Variants in SCFD2 observed in about 807,000 individuals in gnomAD.
SCFD2 encodes sec1 family domain containing 2, also known as sec1 family domain-containing protein 2.
Under a neutral mutation model 58.9 loss-of-function variants are expected in SCFD2, and 54 were observed. The observed-to-expected ratio is 0.92, with a 90% confidence interval of 0.74 to 1.15. The LOEUF (loss-of-function observed/expected upper bound fraction) is 1.15, where lower values mean the gene tolerates loss of function less well. SCFD2 is among the 50% of genes most tolerant of loss of function. The probability of loss-of-function intolerance (pLI) is 0.00; values close to 1 mark genes in which losing one functional copy is unlikely to be tolerated. For synonymous variants in SCFD2, 321 were observed against 335.9 expected (o/e 0.96, Z 0.49); for missense variants, 805 against 836.6 (o/e 0.96, Z 0.47).
At chr4:53,228,614 C>T (rs567354965) in intron 4 of SCFD2, among the ~76,000 whole-genome samples, 17 of 152,170 alleles carry the variant, frequency 1.1e-4, no homozygotes, top group Admixed American at 9.2e-4. Context: ...ATTAATGGGA[C>T]GTATCTCAAA....
At chr4:53,063,662 T>C (rs1323172495) in intron 5 of SCFD2, among the ~76,000 whole-genome samples, 2 of 152,108 alleles carry the variant, frequency 1.3e-5, no homozygotes, top group Non-Finnish European at 2.9e-5. Flanking sequence ...TGCTTACCTC[T>C]ACTAAATGAG....
rs568604689 is a variant in SCFD2 at position 53,153,323 on chromosome 4, C to G, written c.1312-7741G>C. Among the ~76,000 whole-genome samples the G allele has an allele frequency of 3.3e-5, 5 of 152,366 alleles. No homozygotes were observed. In the South Asian group the frequency reaches 1.0e-3, roughly 32 times the overall value. On this transcript the variant is annotated intron_variant, in intron 4 of 8. Coordinates refer to ENST00000401642, the MANE Select transcript of SCFD2 (RefSeq NM_152540.4). The stretch of plus-strand genomic sequence containing the variant: ...AGCTGCCAAGCCTGCTTCACTCATG[C>G]ACTCTGCGTGCCTACAGTCTTAAAA...
chr4:53,174,261 T>C (rs1285907930), intron 4 of SCFD2, among the ~76,000 whole-genome samples: 1 of 151,902 alleles, frequency 6.6e-6, no homozygotes, highest in African/African-American at 2.4e-5. Context: ...GGAGACATAA[T>C]ACTAAATGAA....
chr4:53,319,999 C>T (rs1028735680), intron 2 of SCFD2, among the ~76,000 whole-genome samples: 1 of 152,164 alleles, frequency 6.6e-6, no homozygotes, highest in Non-Finnish European at 1.5e-5. Context: ...TGCTTTATAT[C>T]CCCTTACAGT....
intron 4 of SCFD2, among the ~76,000 whole-genome samples, chr4:53,178,466 C>T (rs1727421768): frequency 6.6e-6 from 1 of 152,174 alleles, no homozygotes; most frequent in South Asian, 2.1e-4. Flanking sequence ...AACTAACAAA[C>T]AGAAAGGACA....
At chr4:53,240,904 G>A (rs927839634) in intron 4 of SCFD2, among the ~76,000 whole-genome samples, 4 of 152,226 alleles carry the variant, frequency 2.6e-5, no homozygotes, top group Non-Finnish European at 4.4e-5. Context: ...GACACGGCCA[G>A]GAGGAACACC....
At chr4:53,228,965 A>T (rs1049747561) in intron 4 of SCFD2, among the ~76,000 whole-genome samples, 3 of 152,184 alleles carry the variant, frequency 2.0e-5, no homozygotes, top group Non-Finnish European at 4.4e-5. Context: ...AAGCATTCTT[A>T]TACACCAATA....
At chr4:52,874,690 T>C (rs947211662) in intron 8 of SCFD2, among the ~76,000 whole-genome samples, 11 of 152,230 alleles carry the variant, frequency 7.2e-5, no homozygotes, top group African/African-American at 2.7e-4. Flanking sequence ...CTAGCTACCT[T>C]GTGCCTTCAC....
At chr4:53,335,912 G>T (rs1048550863) in intron 2 of SCFD2, among the ~76,000 whole-genome samples, 2 of 152,136 alleles carry the variant, frequency 1.3e-5, no homozygotes, top group African/African-American at 4.8e-5. Context: ...GCGGGGTATT[G>T]TTAAAACAAT....
intron 5 of SCFD2, among the ~76,000 whole-genome samples, chr4:53,020,441 C>A (rs569945521): frequency 6.6e-6 from 1 of 152,278 alleles, no homozygotes; most frequent in East Asian, 1.9e-4. Context: ...CTCAAAAGGA[C>A]AAAGATAGGG....
At chr4:53,297,942 G>A (rs1208596502) in intron 3 of SCFD2, among the ~76,000 whole-genome samples, 1 of 152,112 alleles carries the variant, frequency 6.6e-6, no homozygotes, top group Non-Finnish European at 1.5e-5. Flanking sequence ...TGAAATTCTG[G>A]GTTGAAAATT....
At chr4:53,044,916 C>CACCGCCA (rs1337973164) in intron 5 of SCFD2, among the ~76,000 whole-genome samples, 2 of 110,288 alleles carry the variant, frequency 1.8e-5, no homozygotes, top group African/African-American at 5.9e-5. Flanking sequence ...ACCCCCCCCC[C>CACCGCCA]CCGCCCACAA....
intron 5 of SCFD2, among the ~76,000 whole-genome samples, chr4:53,080,439 T>C (rs1724107215): frequency 6.6e-6 from 1 of 152,168 alleles, no homozygotes; most frequent in African/African-American, 2.4e-5. Context: ...TTATGTCCTG[T>C]AGTATAAACA....
intron 8 of SCFD2, among the ~76,000 whole-genome samples, chr4:52,881,747 G>C (rs1191377525): frequency 1.3e-5 from 2 of 152,142 alleles, no homozygotes; most frequent in African/African-American, 4.8e-5. Flanking sequence ...TCAATAGGTT[G>C]GTGTGGTTTT....
At chr4:52,946,906 G>A (rs1720445071) in intron 5 of SCFD2, among the ~76,000 whole-genome samples, 1 of 152,162 alleles carries the variant, frequency 6.6e-6, no homozygotes, top group South Asian at 2.1e-4. Flanking sequence ...GGTTGGGCAT[G>A]TCAACCTCAG....
chr4:52,937,880 A>C (rs1720183360), intron 5 of SCFD2, among the ~76,000 whole-genome samples: 1 of 152,208 alleles, frequency 6.6e-6, no homozygotes, highest in Non-Finnish European at 1.5e-5. Context: ...AGGTTGGTTA[A>C]GGTAGCTTTA....
At chr4:53,313,960 A>G (rs1185790273) in intron 2 of SCFD2, among the ~76,000 whole-genome samples, 197 bp from the exon 3 acceptor site, 1 of 152,212 alleles carries the variant, frequency 6.6e-6, no homozygotes, top group East Asian at 1.9e-4. Flanking sequence ...TTAAGGAAAC[A>G]ATAAAATCAA....
At chr4:53,259,277 G>C (rs1190565084) in intron 4 of SCFD2, among the ~76,000 whole-genome samples, 1 of 152,098 alleles carries the variant, frequency 6.6e-6, no homozygotes, top group Non-Finnish European at 1.5e-5. Flanking sequence ...TGGATTCTTG[G>C]TCATGAAGTC....
intron 4 of SCFD2, among the ~76,000 whole-genome samples, chr4:53,248,067 G>A (rs369797877): frequency 1.7e-4 from 26 of 152,250 alleles, no homozygotes; most frequent in Middle Eastern, 3.4e-3. Flanking sequence ...TGGGTGCAGC[G>A]CACCATGCGC....
Sources: gnomAD v4.1 joint callset for allele counts (sites outside exome capture counted in the v4.1 genomes callset) on GRCh38, gnomAD v4.1.1 for gene constraint, MANE v1.5 for transcripts, NCBI Gene and HGNC (gene_info 2026-07-23, HGNC 2026-07-21) for gene names.